Variants in AKAP6 observed in about 807,000 individuals in gnomAD.
The protein encoded by AKAP6 is A-kinase anchoring protein 6, also known as A-kinase anchor protein 6.
In AKAP6, 58 loss-of-function variants were observed where a neutral mutation model predicts 188.5. That is an observed-to-expected ratio of 0.31 (90% confidence interval 0.25 to 0.38). The LOEUF is 0.38. Ranked by LOEUF, AKAP6 falls within the 10% of genes least tolerant of loss-of-function variation. AKAP6 has a pLI of 1.00. For synonymous variants in AKAP6, 989 were observed against 998.6 expected (o/e 0.99, Z 0.18); for missense variants, 2,710 against 2,740.0 (o/e 0.99, Z 0.24).
At chr14:32,611,513 A>G (rs1339201510) in intron 7 of AKAP6, among the ~76,000 whole-genome samples, 1 of 152,188 alleles carries the variant, frequency 6.6e-6, no homozygotes, top group Admixed American at 6.5e-5. Flanking sequence ...TGGTAGTCCA[A>G]ATAGAAATAA....
At chr14:32,507,401 G>A (rs1263853834) in intron 2 of AKAP6, among the ~76,000 whole-genome samples, 1 of 152,132 alleles carries the variant, frequency 6.6e-6, no homozygotes, top group Non-Finnish European at 1.5e-5. Context: ...TAGCAAAACA[G>A]AAACACAGGC....
intron 9 of AKAP6, among the ~76,000 whole-genome samples, chr14:32,699,795 C>T (rs1302374164): frequency 6.6e-6 from 1 of 152,202 alleles, no homozygotes; most frequent in Non-Finnish European, 1.5e-5. Flanking sequence ...TGCACCCACT[C>T]TCTCACTTTC....
At chr14:32,642,926 G>T (rs1202099347) in intron 7 of AKAP6, among the ~76,000 whole-genome samples, 4 of 152,132 alleles carry the variant, frequency 2.6e-5, no homozygotes, top group Non-Finnish European at 4.4e-5. Context: ...AATACCATAT[G>T]ACAAGGAAAT....
chr14:32,580,677 A>G (rs10148474), intron 5 of AKAP6, among the ~76,000 whole-genome samples: 5,421 of 152,170 alleles, frequency 0.036, 310 homozygotes, highest in African/African-American at 0.12. Flanking sequence ...AGCATTAGGT[A>G]TATCTCCTAA....
At chr14:32,721,197 A>G (rs1211784205) in intron 9 of AKAP6, among the ~76,000 whole-genome samples, 1 of 152,224 alleles carries the variant, frequency 6.6e-6, no homozygotes, top group East Asian at 1.9e-4. Flanking sequence ...TCGTCACTAA[A>G]GTGCATTGGA....
intron 1 of AKAP6, among the ~76,000 whole-genome samples, chr14:32,350,743 AAAAAATG>A (rs1566457565): frequency 6.6e-6 from 1 of 152,034 alleles, no homozygotes; most frequent in African/African-American, 2.4e-5. Flanking sequence ...ATAACAAAAT[AAAAAATG>A]TATTAAATGA....
In AKAP6 at chr14:32,547,004, G is replaced by A; in HGVS notation, c.2346+5G>A. The A allele has an allele frequency of 6.3e-7, 1 of 1,581,304 alleles. No homozygotes were observed. The highest frequency in any genetic ancestry group is 8.5e-7 in the Non-Finnish European group (1 of 1,171,314). On this transcript the variant is annotated splice_donor_5th_base_variant and intron_variant, in intron 4 of 13. Coordinates refer to ENST00000280979, the MANE Select transcript of AKAP6 (RefSeq NM_004274.5). The stretch of plus-strand genomic sequence containing the variant: ...GCCATATGGGAAAAAATAGAGGTAA[G>A]GTGGTTTTCTTAACATGAATGATTT...
At chr14:32,817,612 G>A (rs1334418508) in intron 12 of AKAP6, among the ~76,000 whole-genome samples, 1 of 151,826 alleles carries the variant, frequency 6.6e-6, no homozygotes, top group East Asian at 1.9e-4. Context: ...AATTAATTCA[G>A]AATTATTTCT....
chr14:32,381,139 C>A (rs1165187388), intron 1 of AKAP6, among the ~76,000 whole-genome samples: 2 of 152,040 alleles, frequency 1.3e-5, no homozygotes, highest in Non-Finnish European at 2.9e-5. Flanking sequence ...GAGTTCGAGA[C>A]CAGCCTGGGC....
intron 2 of AKAP6, among the ~76,000 whole-genome samples, chr14:32,475,263 C>A (rs1003584372): frequency 6.6e-6 from 1 of 152,172 alleles, no homozygotes; most frequent in African/African-American, 2.4e-5. Context: ...GGTTAAGCTT[C>A]TCTTCCAAAG....
intron 7 of AKAP6, among the ~76,000 whole-genome samples, chr14:32,667,816 C>G (rs1183368426): frequency 6.6e-6 from 1 of 152,004 alleles, no homozygotes; most frequent in Admixed American, 6.6e-5. Flanking sequence ...CTTGTTGTTC[C>G]TGCTTCATTC....
intron 7 of AKAP6, among the ~76,000 whole-genome samples, chr14:32,647,200 A>G (rs1888020528): frequency 6.6e-6 from 1 of 152,220 alleles, no homozygotes; most frequent in Admixed American, 6.5e-5. Context: ...ATTTCCAAGT[A>G]TATATTAGCT....
intron 2 of AKAP6, among the ~76,000 whole-genome samples, chr14:32,465,884 GA>G (rs987993747): frequency 1.3e-5 from 2 of 151,806 alleles, no homozygotes; most frequent in African/African-American, 4.8e-5. Flanking sequence ...AAATTTACAA[GA>G]AAAAAACAAC....
At chr14:32,430,096 AG>A (rs1242522716) in intron 1 of AKAP6, among the ~76,000 whole-genome samples, 1 of 152,212 alleles carries the variant, frequency 6.6e-6, no homozygotes, top group African/African-American at 2.4e-5. Flanking sequence ...CTTTTCATTA[AG>A]TAGGACACAT....
intron 8 of AKAP6, among the ~76,000 whole-genome samples, chr14:32,683,577 G>C (rs1889786006): frequency 6.6e-6 from 1 of 152,214 alleles, no homozygotes; most frequent in South Asian, 2.1e-4. Context: ...AGTGCAGGCT[G>C]TGTTAGGCAC....
intron 2 of AKAP6, among the ~76,000 whole-genome samples, chr14:32,493,273 C>G (rs1293439089): frequency 2.0e-5 from 3 of 152,068 alleles, no homozygotes; most frequent in African/African-American, 7.2e-5. Flanking sequence ...CTGGTGCGAT[C>G]ACGGTGCACT....
chr14:32,580,031 C>T (rs1239117022), intron 5 of AKAP6, among the ~76,000 whole-genome samples: 1 of 151,986 alleles, frequency 6.6e-6, no homozygotes, highest in African/African-American at 2.4e-5. Context: ...AGCTGGCAAC[C>T]TCCAATATTT....
Position 32,559,515 on chromosome 14 carries a change from G to A in AKAP6, c.2346+12516G>A, listed in dbSNP as rs118023635. 2.3e-3 allele frequency among the ~76,000 whole-genome samples: 347 copies of A among 152,244 alleles called. 7 individuals carry two copies. Among genetic ancestry groups the A allele is most frequent in the East Asian group, 0.014 (71 of 5,172 alleles). On this transcript the variant is annotated intron_variant, in intron 4 of 13. Transcript: ENST00000280979. ...TAAGTCACTAATTCGCAATCTTTGC[G>A]AAGATGGGAAACTACTTAAAATGTT... is the stretch of plus-strand genomic sequence containing the variant.
At chr14:32,614,084 T>C (rs74041644) in intron 7 of AKAP6, among the ~76,000 whole-genome samples, 2,766 of 152,262 alleles carry the variant, frequency 0.018, 58 homozygotes, top group African/African-American at 0.063. Context: ...TAAGAATTAT[T>C]AACTGTATAA....
Sources: gnomAD v4.1 joint callset for allele counts (sites outside exome capture counted in the v4.1 genomes callset) on GRCh38, gnomAD v4.1.1 for gene constraint, MANE v1.5 for transcripts, NCBI Gene and HGNC (gene_info 2026-07-23, HGNC 2026-07-21) for gene names.